NRDE2: variants seen among roughly 807,000 people sequenced by gnomAD.
The protein encoded by NRDE2 is nuclear exosome regulator NRDE2.
In NRDE2, 76 loss-of-function variants were observed where a neutral mutation model predicts 124.2. The observed-to-expected ratio is 0.61, with a 90% confidence interval of 0.51 to 0.74. The LOEUF is 0.74. Ranked by LOEUF, NRDE2 falls within the 30% of genes least tolerant of loss-of-function variation. The pLI, the probability that NRDE2 is intolerant of heterozygous loss-of-function variation, is 0.00. For missense variants in NRDE2, 1,314 were observed against 1,417.3 expected (o/e 0.93, Z 1.17); for synonymous variants, 489 against 528.1 (o/e 0.93, Z 1.01).
At chr14:90,305,565 C>T (rs1325011215) in intron 4 of NRDE2, among the ~76,000 whole-genome samples, 1 of 152,150 alleles carries the variant, frequency 6.6e-6, no homozygotes, top group Non-Finnish European at 1.5e-5. Flanking sequence ...AGAGGTACAG[C>T]CATACAATGG....
chr14:90,278,869 G>A (rs1566680233), intron 13 of NRDE2, 193 bp downstream of exon 13: 1 of 645,104 alleles, frequency 1.6e-6, no homozygotes, highest in Non-Finnish European at 2.8e-6. Flanking sequence ...CCAGCCCCAG[G>A]TAGGGCCAGG....
Position 90,276,054 on chromosome 14 carries a change from T to C in NRDE2, c.*2282A>G, listed in dbSNP as rs1469292485. On this transcript the variant is annotated 3_prime_UTR_variant, in exon 14 of 14. Transcript: ENST00000354366. The stretch of plus-strand genomic sequence containing the variant: ...GGCCGACCCCTGTGGTCTGATGTGA[T>C]CAGTGACTCCTTCGGGGAAATGACG... The C allele has an allele frequency of 6.6e-6, 1 of 152,120 alleles. No individual in the cohort carries two copies. The highest frequency in any genetic ancestry group is 1.5e-5 in the Non-Finnish European group (1 of 68,040). The allele number at this position is 152,120 out of a possible 1,614,324, so 9.4% of individuals were successfully genotyped here.
intron 1 of NRDE2, among the ~76,000 whole-genome samples, chr14:90,323,378 T>C (rs1778185068): frequency 6.6e-6 from 1 of 152,242 alleles, no homozygotes; most frequent in Admixed American, 6.5e-5. Context: ...TATTTTTAAC[T>C]ATAATTGGAT....
At chr14:90,296,765 A>T (rs1435146443) in intron 8 of NRDE2, among the ~76,000 whole-genome samples, 1 of 145,148 alleles carries the variant, frequency 6.9e-6, no homozygotes, top group Non-Finnish European at 1.5e-5. Context: ...CCTTTCGGGG[A>T]GTGAAGCAGT....
chr14:90,294,865 C>A (rs1364302172), intron 8 of NRDE2, among the ~76,000 whole-genome samples: 1 of 152,000 alleles, frequency 6.6e-6, no homozygotes, highest in Non-Finnish European at 1.5e-5. Context: ...ATGTTATATA[C>A]CTTATGATTC....
chr14:90,324,801 G>C (rs1350506772), intron 1 of NRDE2, among the ~76,000 whole-genome samples: 1 of 151,942 alleles, frequency 6.6e-6, no homozygotes, highest in East Asian at 1.9e-4. Flanking sequence ...GCGTACATTT[G>C]AACAGCACTA....
intron 1 of NRDE2, among the ~76,000 whole-genome samples, chr14:90,319,131 T>C (rs527829776): frequency 6.6e-6 from 1 of 152,300 alleles, no homozygotes; most frequent in South Asian, 2.1e-4. Context: ...TTTCTAACTT[T>C]TAGGAGTCTT....
chr14:90,302,137 T>G (rs950593574), intron 6 of NRDE2, among the ~76,000 whole-genome samples: 2 of 152,088 alleles, frequency 1.3e-5, no homozygotes, highest in Non-Finnish European at 2.9e-5. Context: ...ATGGAGAAAC[T>G]GGGGCTCAAA....
At chr14:90,303,365 G>C (rs889757650) in intron 5 of NRDE2, among the ~76,000 whole-genome samples, 2 of 152,192 alleles carry the variant, frequency 1.3e-5, no homozygotes, top group African/African-American at 4.8e-5. Flanking sequence ...CTGCATCAAT[G>C]ACTAGCATAC....
chr14:90,291,423 C>T (rs1892269058), intron 9 of NRDE2, among the ~76,000 whole-genome samples: 2 of 152,198 alleles, frequency 1.3e-5, no homozygotes, highest in Admixed American at 1.3e-4. Context: ...GCTTTGATTA[C>T]AGAAAAAGCT....
chr14:90,277,973 C>T lies in NRDE2; in HGVS notation c.*363G>A, dbSNP rs79155982. The T allele has an allele frequency of 4.9e-5, 9 of 182,956 alleles. No individual in the cohort carries two copies. The highest frequency in any genetic ancestry group is 7.0e-5 in the African/African-American group (3 of 42,790). 11.3% of individuals were successfully genotyped at this position (182,956 alleles called of 1,614,324 possible). A position where few individuals can be genotyped will look rare whatever the true frequency, so the allele number is the denominator to read the frequency against. On this transcript the variant is annotated 3_prime_UTR_variant, in exon 14 of 14. Transcript: ENST00000354366. Reference sequence around the variant, plus strand: ...CAGAGAGGGCCTGGCAGGACCACCACGACACCAGCGGAGGGAACACATTCA... The same window carrying T: ...CAGAGAGGGCCTGGCAGGACCACCATGACACCAGCGGAGGGAACACATTCA...
Position 90,304,222 on chromosome 14 carries a change from T to G in NRDE2, c.718A>C (p.Ser240Arg). Reference sequence around the variant, plus strand: ...GATGAGGGAGGTTCAGTTTTACTGCTAATGGCAACTCCATCGATGTTCATT... The same window carrying G: ...GATGAGGGAGGTTCAGTTTTACTGCGAATGGCAACTCCATCGATGTTCATT... ...GLMNIDGVAI[S>R]SKTEPPSSEP... is the part of the protein sequence containing the mutation. The change falls in exon 5 of 14, where the codon AGC becomes CGC. Residue 240 changes from serine to arginine, a missense_variant. Coordinates refer to ENST00000354366, the MANE Select transcript of NRDE2 (RefSeq NM_017970.4). The G allele has an allele frequency of 6.2e-7, 1 of 1,614,210 alleles. No individual in the cohort carries two copies. The highest frequency in any genetic ancestry group is 1.3e-5 in the African/African-American group (1 of 75,072).
In NRDE2 at chr14:90,318,121, G is replaced by A. The variant is rs1885113940; in HGVS notation, c.65-8C>T. On this transcript the variant is annotated splice_polypyrimidine_tract_variant and splice_region_variant and intron_variant, in intron 1 of 13. Transcript: ENST00000354366. ...TGCTCAGCCAGTCTAACTCTGCACA[G>A]GCAAAAGGAGAAAAGATCAATGAAA... 6.3e-7 allele frequency: 1 copy of A among 1,598,202 alleles called. No individual in the cohort carries two copies. Among genetic ancestry groups the A allele is most frequent in the African/African-American group, 1.3e-5 (1 of 74,370 alleles).
intron 9 of NRDE2, among the ~76,000 whole-genome samples, chr14:90,291,365 A>G (rs1650164880): frequency 6.6e-6 from 1 of 152,226 alleles, no homozygotes; most frequent in African/African-American, 2.4e-5. Context: ...ATTAATCAGA[A>G]AGCTGCTCTT....
chr14:90,295,365 T>C (rs1164967566), intron 8 of NRDE2, among the ~76,000 whole-genome samples: 1 of 152,196 alleles, frequency 6.6e-6, no homozygotes, highest in Non-Finnish European at 1.5e-5. Flanking sequence ...GCATAATGTA[T>C]ATATTAGCAT....
chr14:90,315,957 C>CAAAA (rs59604203), intron 3 of NRDE2, among the ~76,000 whole-genome samples: 153 of 73,918 alleles, frequency 2.1e-3, no homozygotes, highest in East Asian at 2.9e-3. Flanking sequence ...AACCCCGTCT[C>CAAAA]AAAAAAAAAA....
At chr14:90,310,447 G>C (rs1884786338) in intron 4 of NRDE2, among the ~76,000 whole-genome samples, 1 of 151,826 alleles carries the variant, frequency 6.6e-6, no homozygotes, top group Non-Finnish European at 1.5e-5. Context: ...GGATCAGACA[G>C]GCTAACTTAA....
chr14:90,318,483 A>T (rs2094653), intron 1 of NRDE2, among the ~76,000 whole-genome samples: 1 of 152,088 alleles, frequency 6.6e-6, no homozygotes, highest in South Asian at 2.1e-4. Flanking sequence ...CTCAAATTTG[A>T]TTCAGACAAT....
intron 1 of NRDE2, among the ~76,000 whole-genome samples, chr14:90,330,857 A>C (rs939852919): frequency 1.3e-5 from 2 of 151,962 alleles, no homozygotes; most frequent in African/African-American, 2.4e-5. Flanking sequence ...TGTAGGAACT[A>C]TATTAGAGGA....
Sources: gnomAD v4.1 joint callset for allele counts (sites outside exome capture counted in the v4.1 genomes callset) on GRCh38, gnomAD v4.1.1 for gene constraint, MANE v1.5 for transcripts, NCBI Gene and HGNC (gene_info 2026-07-23, HGNC 2026-07-21) for gene names.